ALB: variants seen among roughly 807,000 people sequenced by gnomAD.
ALB encodes albumin.
A neutral mutation model predicts 74.5 loss-of-function variants in ALB; 37 were observed. That is an observed-to-expected ratio of 0.50 (90% CI 0.38 to 0.65). The LOEUF (loss-of-function observed/expected upper bound fraction) is 0.65. Among genes scored for constraint, ALB ranks in the 30% least tolerant of loss-of-function variants. The pLI, the probability that ALB is intolerant of heterozygous loss-of-function variation, is 0.00. For missense variants in ALB, 685 were observed against 718.7 expected (o/e 0.95, Z 0.54); for synonymous variants, 249 against 251.6 (o/e 0.99, Z 0.10).
intron 13 of ALB, 75 bp from the exon 14 acceptor site, chr4:73,420,179 C>G (rs1421180870): frequency 1.5e-6 from 2 of 1,320,422 alleles, no homozygotes; most frequent in African/African-American, 2.9e-5. Context: ...TCATCAATAG[C>G]TTCATAAATG....
chr4:73,414,556 C>T (rs1186559197), intron 8 of ALB, among the ~76,000 whole-genome samples: 1 of 152,122 alleles, frequency 6.6e-6, no homozygotes, highest in Admixed American at 6.5e-5. Flanking sequence ...CTCCGCCTCC[C>T]AGGTTCAAGC....
chr4:73,421,064 G>A, intron 14 of ALB, 28 bp from the exon 15 acceptor site: 1 of 681,044 alleles, frequency 1.5e-6, no homozygotes, highest in Non-Finnish European at 2.6e-6. Context: ...TTACAAATAA[G>A]ACTTATATTT....
Position 73,417,520 on chromosome 4 carries a change from C to CT in ALB, c.1290-4dup. 8.1e-6 allele frequency: 13 copies of CT among 1,613,806 alleles called. No individual in the cohort carries two copies. Among genetic ancestry groups the CT allele is most frequent in the Non-Finnish European group, 1.1e-5 (13 of 1,179,838 alleles). ...TTGCCTTGCTGAAAACACATGACTT[C>CT]TTTTTTTCAGGCTATTAGTTCGTTA... On this transcript the variant is annotated splice_polypyrimidine_tract_variant and intron_variant, in intron 10 of 14. Coordinates refer to ENST00000295897, the MANE Select transcript of ALB (RefSeq NM_000477.7).
In ALB at chr4:73,413,580, A is replaced by G. The variant is rs1295881022; in HGVS notation, c.1004A>G (p.Glu335Gly). The G allele has an allele frequency of 2.5e-6, 4 of 1,614,058 alleles. No homozygotes were observed. In the Admixed American group the frequency reaches 6.7e-5, roughly 27 times the overall value. Residue 335 changes from glutamate (E) to glycine (G), a missense_variant, in exon 8 of 15, where the codon GAA (glutamate) becomes GGA (glycine). Transcript: ENST00000295897. ...CCTTCATTAGCTGCTGATTTTGTTG[A>G]AAGTAAGGATGTTTGCAAAAACTAT... The part of the protein sequence containing the change: ...DLPSLAADFV[E>G]SKDVCKNYAE...
At chr4:73,404,914 T>C in intron 1 of ALB, 1 of 599,854 alleles carries the variant, frequency 1.7e-6, no homozygotes, top group Non-Finnish European at 3.0e-6. Flanking sequence ...TAAAATAGTA[T>C]TCTTGGTAAT....
rs56239363 is a variant in ALB at position 73,405,024 on chromosome 4, C to T, written c.80-92C>T. 2.4e-3 allele frequency: 3,092 copies of T among 1,269,644 alleles called. 65 individuals are homozygous for T. The African/African-American group carries it at 0.042, about 17-fold the overall frequency. The allele number at this position is 1,269,644 out of a possible 1,614,324, so 78.6% of individuals were successfully genotyped here. A position where few individuals can be genotyped will look rare whatever the true frequency, so the allele number is the denominator to read the frequency against. On this transcript the variant is annotated intron_variant, in intron 1 of 14. Coordinates refer to ENST00000295897, the MANE Select transcript of ALB (RefSeq NM_000477.7). ...CAATATTTTGAAACAAATGCATAAT[C>T]TAAGTCAAATGGAAAGAAATATAAA...
intron 8 of ALB, 36 bp from the exon 9 acceptor site, chr4:73,414,999 G>C (rs1422878321): frequency 6.2e-7 from 1 of 1,610,378 alleles, no homozygotes; most frequent in African/African-American, 1.3e-5. Context: ...GTGCTCATTT[G>C]TCCAACAAAG....
chr4:73,416,219 G>A (rs745827876), intron 9 of ALB, 37 bp from the exon 10 acceptor site: 1 of 1,549,876 alleles, frequency 6.5e-7, no homozygotes, highest in South Asian at 1.1e-5. Context: ...CTGATCCTGA[G>A]GCATAATACT....
At chr4:73,413,998 A>C (rs1021132931) in intron 8 of ALB, among the ~76,000 whole-genome samples, 3 of 152,214 alleles carry the variant, frequency 2.0e-5, no homozygotes, top group African/African-American at 7.2e-5. Flanking sequence ...TATCTAACTA[A>C]TCTAATCTAA....
In ALB at chr4:73,413,522, G is replaced by A. The variant is rs150388973; in HGVS notation, c.946G>A (p.Glu316Lys). The change falls in exon 8 of 15, where the codon GAA becomes AAA. Residue 316 changes from glutamate to lysine, a missense_variant. Physicochemically the swap from Glu to Lys is moderately conservative, Grantham distance 56. Coordinates refer to ENST00000295897, the MANE Select transcript of ALB (RefSeq NM_000477.7). The stretch of plus-strand genomic sequence containing the variant: ...GTTGGAAAAATCCCACTGCATTGCC[G>A]AAGTGGAAAATGATGAGATGCCTGC... ...PLLEKSHCIA[E>K]VENDEMPADL... is the part of the protein sequence containing the mutation. The A allele has an allele frequency of 7.4e-6, 12 of 1,614,088 alleles. No homozygotes were observed. The highest frequency in any genetic ancestry group is 4.5e-5 in the East Asian group (2 of 44,890).
chr4:73,413,295 C>T, intron 7 of ALB, 125 bp from the exon 8 acceptor site: 1 of 893,376 alleles, frequency 1.1e-6, no homozygotes, highest in Non-Finnish European at 1.8e-6. Flanking sequence ...AGAGTATGTT[C>T]ATAGAAGGAA....
intron 14 of ALB, 175 bp from the exon 15 acceptor site, chr4:73,420,917 C>G (rs1006714347): frequency 2.0e-6 from 1 of 502,376 alleles, no homozygotes; most frequent in Admixed American, 3.7e-5. Context: ...GGTGTGTCCC[C>G]TTGCCTAGCC....
intron 9 of ALB, chr4:73,415,425 C>A (rs1167292286): frequency 3.2e-5 from 13 of 406,390 alleles, no homozygotes; most frequent in African/African-American, 1.6e-4. Flanking sequence ...TTTCACAATC[C>A]TGAGAACAAA....
At chr4:73,419,343 T>G in intron 12 of ALB, 164 bp from the exon 13 acceptor site, 1 of 703,588 alleles carries the variant, frequency 1.4e-6, no homozygotes, top group South Asian at 2.0e-5. Context: ...GATGAGAATA[T>G]TGAGACTTAT....
At chr4:73,404,931 A>C in intron 1 of ALB, 185 bp from the exon 2 acceptor site, 1 of 631,714 alleles carries the variant, frequency 1.6e-6, no homozygotes, top group Non-Finnish European at 2.8e-6. Context: ...TAATTGAATT[A>C]TTCTTCTGTT....
chr4:73,404,364 T>A lies in ALB; in HGVS notation c.37T>A (p.Phe13Ile). ...AACCTTTATTTCCCTTCTTTTTCTCTTTAGCTCGGCTTATTCCAGGGGTGT... is the reference window on the plus strand; with the variant it reads ...AACCTTTATTTCCCTTCTTTTTCTCATTAGCTCGGCTTATTCCAGGGGTGT... ...WVTFISLLFL[F>I]SSAYSRGVFR... is the part of the protein sequence containing the mutation. The change falls in exon 1 of 15, where the codon TTT (phenylalanine) becomes ATT (isoleucine). Residue 13 changes from phenylalanine to isoleucine, a missense_variant. Transcript: ENST00000295897. 6.2e-7 allele frequency: 1 copy of A among 1,613,910 alleles called. No individual in the cohort carries two copies. Among genetic ancestry groups the A allele is most frequent in the South Asian group, 1.1e-5 (1 of 91,074 alleles).
chr4:73,416,819 A>G (rs1719024576), intron 10 of ALB, among the ~76,000 whole-genome samples: 1 of 152,214 alleles, frequency 6.6e-6, no homozygotes, highest in Non-Finnish European at 1.5e-5. Flanking sequence ...CTAGTCTTTG[A>G]TGGTTAAACC....
chr4:73,420,633 C>A (rs1266542780), intron 14 of ALB, among the ~76,000 whole-genome samples: 1 of 152,054 alleles, frequency 6.6e-6, no homozygotes, highest in Non-Finnish European at 1.5e-5. Context: ...TTATATGATG[C>A]GGTACACAGA....
intron 1 of ALB, 50 bp from the exon 2 acceptor site, chr4:73,405,066 T>G (rs1718684554): frequency 1.3e-6 from 2 of 1,507,564 alleles, no homozygotes; most frequent in Non-Finnish European, 1.8e-6. Flanking sequence ...CATTATTACT[T>G]CTTGTTTTCT....
Sources: allele counts gnomAD v4.1 joint callset (sites outside exome capture counted in the v4.1 genomes callset), GRCh38; gene constraint gnomAD v4.1.1; transcripts MANE v1.5; gene names NCBI Gene and HGNC (gene_info 2026-07-23, HGNC 2026-07-21).